NDUFAF1: variants seen among roughly 807,000 people sequenced by gnomAD.
The protein encoded by NDUFAF1 is complex I intermediate-associated protein 30, mitochondrial.
In NDUFAF1, 18 loss-of-function variants were observed where a neutral mutation model predicts 28.7. That is an observed-to-expected ratio of 0.63 (90% CI 0.43 to 0.93). NDUFAF1 has a LOEUF of 0.93. NDUFAF1 is among the 40% of genes least tolerant of loss of function. NDUFAF1 has a pLI of 0.00. For missense variants in NDUFAF1, 404 were observed against 398.3 expected (o/e 1.01, Z -0.12); for synonymous variants, 113 against 139.7 (o/e 0.81, Z 1.35).
chr15:41,400,974 T>G (rs565129834), intron 1 of NDUFAF1, among the ~76,000 whole-genome samples: 1 of 147,510 alleles, frequency 6.8e-6, no homozygotes, highest in Non-Finnish European at 1.5e-5. Context: ...TATCAATACT[T>G]TTTTTTTTTT....
chr15:41,390,706 C>T (rs1391071786), intron 3 of NDUFAF1, among the ~76,000 whole-genome samples: 1 of 146,502 alleles, frequency 6.8e-6, no homozygotes, highest in Non-Finnish European at 1.5e-5. Flanking sequence ...GCATGGGCAA[C>T]AGAGCCAGAC....
At chr15:41,394,486 T>C in intron 3 of NDUFAF1, 1 of 702,748 alleles carries the variant, frequency 1.4e-6, no homozygotes, top group Non-Finnish European at 2.2e-6. Flanking sequence ...ATTCACTAGT[T>C]AGTATGTTAA....
chr15:41,391,392 G>A (rs997968745), intron 3 of NDUFAF1, among the ~76,000 whole-genome samples: 4 of 151,842 alleles, frequency 2.6e-5, no homozygotes, highest in Admixed American at 1.3e-4. Flanking sequence ...GAGGCGAGTC[G>A]GGTGGATCAC....
intron 3 of NDUFAF1, among the ~76,000 whole-genome samples, chr15:41,393,774 T>C (rs1303207768): frequency 6.6e-6 from 1 of 151,622 alleles, no homozygotes; most frequent in Non-Finnish European, 1.5e-5. Context: ...AGTTTCACCA[T>C]GTTGGCCAGG....
upstream of NDUFAF1, chr15:41,402,649 A>G: frequency 5.4e-6 from 1 of 184,216 alleles, no homozygotes; most frequent in South Asian, 1.0e-4. Context: ...CGCCAGTTGT[A>G]AGGAAGCAGT....
At chr15:41,397,518 G>A (rs868176935) in intron 1 of NDUFAF1, among the ~76,000 whole-genome samples, 14 of 152,066 alleles carry the variant, frequency 9.2e-5, no homozygotes, top group African/African-American at 3.4e-4. Flanking sequence ...ATAGAGACTG[G>A]GCCGGGCGCG....
rs780201036 is a variant in NDUFAF1, at chr15:41,396,547, C to A, written c.513G>T (p.Ala171=). The change falls in exon 2 of 5, where the codon GCG becomes GCT. Residue 171 remains alanine (A), a synonymous_variant. Transcript: ENST00000260361. ...ALLYGTLSSE[A]PQDGESTRSG... ...TTCGGGTAGACTCCCCGTCCTGAGGCGCCTCAGAGCTCAGAGTTCCATATA... is the reference window on the plus strand; with the variant it reads ...TTCGGGTAGACTCCCCGTCCTGAGGAGCCTCAGAGCTCAGAGTTCCATATA... 6.2e-7 allele frequency: 1 copy of A among 1,614,140 alleles called. No homozygotes were observed. The highest frequency in any genetic ancestry group is 8.5e-7 in the Non-Finnish European group (1 of 1,180,026).
chr15:41,389,387 C>T (rs1182371575), intron 3 of NDUFAF1, among the ~76,000 whole-genome samples: 1 of 150,840 alleles, frequency 6.6e-6, no homozygotes, highest in Non-Finnish European at 1.5e-5. Flanking sequence ...AATAATTATA[C>T]AGAAGCTCTC....
chr15:41,396,869 T>C lies in NDUFAF1; in HGVS notation c.191A>G (p.Gln64Arg). 1 of 1,614,212 alleles carries C rather than the reference T, an allele frequency of 6.2e-7. No individual in the cohort carries two copies. The highest frequency in any genetic ancestry group is 8.5e-7 in the Non-Finnish European group (1 of 1,180,038). ...AGTTATATCCAAAGCAACTTCTTTC[T>C]GGTGATCTCCTTGCAAATCCCCTTC... ...KTEGDLQGDH[Q>R]KEVALDITSS... Residue 64 changes from glutamine to arginine, a missense_variant, in exon 2 of 5, where the codon CAG (glutamine) becomes CGG (arginine). Transcript: ENST00000260361.
intron 1 of NDUFAF1, among the ~76,000 whole-genome samples, chr15:41,400,162 A>G (rs1241247136): frequency 6.6e-6 from 1 of 152,012 alleles, no homozygotes; most frequent in Non-Finnish European, 1.5e-5. Context: ...TGACAAGGTC[A>G]GGAGTTTGAG....
At chr15:41,397,340 T>C (rs2050403757) in intron 1 of NDUFAF1, among the ~76,000 whole-genome samples, 200 bp from the exon 2 acceptor site, 1 of 152,088 alleles carries the variant, frequency 6.6e-6, no homozygotes, top group East Asian at 1.9e-4. Context: ...GCCTCTACTT[T>C]CTGGGCTCAA....
chr15:41,394,416 A>G, intron 3 of NDUFAF1: 1 of 1,283,750 alleles, frequency 7.8e-7, no homozygotes, highest in East Asian at 5.6e-5. Context: ...ATCTATTTGG[A>G]CACAGAGCAG....
chr15:41,392,682 TC>T (rs1326395192), intron 3 of NDUFAF1, among the ~76,000 whole-genome samples: 3 of 152,144 alleles, frequency 2.0e-5, no homozygotes, highest in South Asian at 2.1e-4. Context: ...ACCTAAGGCC[TC>T]CCCAGCCCTG....
chr15:41,402,578 G>C (rs926047052), upstream of NDUFAF1: 1 of 259,800 alleles, frequency 3.8e-6, no homozygotes, highest in African/African-American at 2.2e-5. Flanking sequence ...GCCCAGGAAG[G>C]ACAGCAAGGA....
rs1367644452 is a variant in NDUFAF1, at chr15:41,388,446, AC to A, written c.834+1del. ...TGAGTGAAAAATACAGGAATATGTT[AC>A]CTTATCAAGCGGAAGCTCATGCTGA... On this transcript the variant is annotated splice_donor_variant, in intron 4 of 4. Transcript: ENST00000260361. LOFTEE classifies it high-confidence loss of function. 9 of 1,604,664 alleles carry A rather than the reference AC, an allele frequency of 5.6e-6. No homozygotes were observed. Among genetic ancestry groups the A allele is most frequent in the Non-Finnish European group, 7.7e-6 (9 of 1,171,436 alleles).
intron 3 of NDUFAF1, among the ~76,000 whole-genome samples, chr15:41,393,355 C>T (rs1370994559): frequency 6.8e-6 from 1 of 146,080 alleles, no homozygotes; most frequent in African/African-American, 2.6e-5. Context: ...TGCAGTGGCA[C>T]GATCTGCAAG....
chr15:41,388,336 C>T, intron 4 of NDUFAF1, 112 bp downstream of exon 4: 3 of 849,408 alleles, frequency 3.5e-6, no homozygotes, highest in Non-Finnish European at 5.9e-6. Flanking sequence ...AGAGCAGTGG[C>T]CCTGAGAAGA....
At chr15:41,392,458 A>C (rs986745957) in intron 3 of NDUFAF1, among the ~76,000 whole-genome samples, 2 of 152,128 alleles carry the variant, frequency 1.3e-5, no homozygotes, top group Non-Finnish European at 2.9e-5. Flanking sequence ...CTCATCTTGA[A>C]TTGTAGTAAT....
upstream of NDUFAF1, chr15:41,402,592 C>T (rs913437508): frequency 4.4e-6 from 1 of 227,676 alleles, no homozygotes; most frequent in South Asian, 5.3e-5. Flanking sequence ...GCAAGGACCC[C>T]GTAGCCCAGC....
Sources: gnomAD v4.1 joint callset for allele counts (sites outside exome capture counted in the v4.1 genomes callset) on GRCh38, gnomAD v4.1.1 for gene constraint, MANE v1.5 for transcripts, NCBI Gene and HGNC (gene_info 2026-07-23, HGNC 2026-07-21) for gene names.